DNAJC13: variants seen among roughly 807,000 people sequenced by gnomAD.
DNAJC13 encodes the protein DnaJ heat shock protein family (Hsp40) member C13, also known as dnaJ homolog subfamily C member 13.
In DNAJC13, 75 loss-of-function variants were observed where a neutral mutation model predicts 290.5. The observed-to-expected ratio is 0.26, with a 90% CI of 0.21 to 0.31. DNAJC13 has a LOEUF of 0.31. Ranked by LOEUF, DNAJC13 falls within the 10% of genes least tolerant of loss-of-function variation. The probability of loss-of-function intolerance (pLI) is 1.00; values close to 1 mark genes in which losing one functional copy is unlikely to be tolerated. For missense variants in DNAJC13, 2,260 were observed against 2,674.5 expected (o/e 0.85, Z 3.42); for synonymous variants, 862 against 892.0 (o/e 0.97, Z 0.60).
rs768805416 is a variant in DNAJC13 at position 132,538,430 on chromosome 3, A to C, written c.*148A>C. 1.2e-4 allele frequency: 75 copies of C among 612,182 alleles called. No homozygotes were observed. The highest frequency in any genetic ancestry group is 1.8e-4 in the Non-Finnish European group (66 of 365,164). 37.9% of individuals were successfully genotyped at this position (612,182 alleles called of 1,614,324 possible). A position where few individuals can be genotyped will look rare whatever the true frequency, so the allele number is the denominator to read the frequency against. Reference sequence around the variant, plus strand: ...CTATAAATATATTTTTAGGAAAAAAAGTCAGTGATCCTAATTGTATCACAT... The same window carrying C: ...CTATAAATATATTTTTAGGAAAAAACGTCAGTGATCCTAATTGTATCACAT... On this transcript the variant is annotated 3_prime_UTR_variant, in exon 56 of 56. Transcript: ENST00000260818.
intron 22 of DNAJC13, among the ~76,000 whole-genome samples, chr3:132,476,146 C>G (rs894152665): frequency 6.6e-6 from 1 of 152,094 alleles, no homozygotes; most frequent in Non-Finnish European, 1.5e-5. Flanking sequence ...GTTGCCCAGT[C>G]TGGCTTTTTA....
intron 14 of DNAJC13, 52 bp from the exon 15 acceptor site, chr3:132,460,998 C>T: frequency 6.5e-7 from 1 of 1,531,756 alleles, no homozygotes; most frequent in Admixed American, 1.9e-5. Context: ...TAAAATTTAA[C>T]TGAAGGTCCC....
chr3:132,456,466 G>A (rs751241538), intron 10 of DNAJC13, 35 bp from the exon 11 acceptor site: 32 of 1,608,618 alleles, frequency 2.0e-5, no homozygotes, highest in Non-Finnish European at 2.4e-5. Context: ...TTAGGAATTC[G>A]TATCTTCTTT....
intron 54 of DNAJC13, 42 bp downstream of exon 54, chr3:132,528,374 G>A (rs1210798780): frequency 1.2e-6 from 2 of 1,610,362 alleles, no homozygotes; most frequent in South Asian, 1.1e-5. Flanking sequence ...CTAAAAGCCA[G>A]GGTCTTGGCC....
chr3:132,534,179 G>A (rs1248810003), intron 55 of DNAJC13, among the ~76,000 whole-genome samples: 1 of 152,162 alleles, frequency 6.6e-6, no homozygotes, highest in African/African-American at 2.4e-5. Flanking sequence ...TGGAGATAAT[G>A]AGTCTTCCAG....
chr3:132,484,255 G>T (rs1465810450), intron 28 of DNAJC13: 1 of 346,828 alleles, frequency 2.9e-6, no homozygotes, highest in Non-Finnish European at 5.5e-6. Flanking sequence ...TTAAATTTAT[G>T]TAACAAAGTT....
At position 132,454,925 on chromosome 3, in the gene DNAJC13, C is replaced by T. The variant is rs1933545744; in HGVS notation, c.932+768C>T. Among the ~76,000 whole-genome samples the T allele has an allele frequency of 2.0e-5, 3 of 152,120 alleles. No homozygotes were observed. The South Asian group carries it at 6.2e-4, about 31-fold the overall frequency. On this transcript the variant is annotated intron_variant, in intron 9 of 55. Coordinates refer to ENST00000260818, the MANE Select transcript of DNAJC13 (RefSeq NM_015268.4). ...AAGAAGGTCCTCTTATTCCCAATAA[C>T]ACTTACATGCAGAAAGTAAAGCAAC...
At chr3:132,526,840 T>C (rs1337820021) in intron 53 of DNAJC13, among the ~76,000 whole-genome samples, 1 of 152,158 alleles carries the variant, frequency 6.6e-6, no homozygotes, top group African/African-American at 2.4e-5. Flanking sequence ...ACAAAAGCGA[T>C]CTTTCTAAAA....
intron 14 of DNAJC13, 95 bp from the exon 15 acceptor site, chr3:132,460,955 C>T: frequency 8.5e-7 from 1 of 1,176,042 alleles, no homozygotes; most frequent in Non-Finnish European, 1.2e-6. Context: ...TGATGTCTGA[C>T]ATATAGAATA....
rs1322081787 is a variant in DNAJC13, at chr3:132,462,378, A to G, written c.1714-89A>G. ...TTTTGTGGCTTATACCTTGTGTAAAAATGTATACCCTTCTTAAGAGTAACA... is the reference window on the plus strand; with the variant it reads ...TTTTGTGGCTTATACCTTGTGTAAAGATGTATACCCTTCTTAAGAGTAACA... On this transcript the variant is annotated intron_variant, in intron 15 of 55. Coordinates refer to ENST00000260818, the MANE Select transcript of DNAJC13 (RefSeq NM_015268.4). The G allele has an allele frequency of 2.3e-6, 3 of 1,285,146 alleles. No individual in the cohort carries two copies. In the African/African-American group the frequency reaches 4.5e-5, roughly 19 times the overall value. The allele number at this position is 1,285,146 out of a possible 1,614,324, so 79.6% of individuals were successfully genotyped here.
At chr3:132,456,945 G>A (rs1279102990) in intron 12 of DNAJC13, 113 bp downstream of exon 12, 12 of 1,175,098 alleles carry the variant, frequency 1.0e-5, no homozygotes, top group Non-Finnish European at 1.4e-5. Context: ...CTTTTATAGG[G>A]TGATATGGTA....
At chr3:132,529,013 G>C (rs1386055466) in intron 54 of DNAJC13, among the ~76,000 whole-genome samples, 1 of 151,940 alleles carries the variant, frequency 6.6e-6, no homozygotes, top group Non-Finnish European at 1.5e-5. Flanking sequence ...GAATAGTTAA[G>C]TGGCATTTAG....
chr3:132,535,956 G>C (rs1936577833), intron 55 of DNAJC13, among the ~76,000 whole-genome samples: 1 of 152,096 alleles, frequency 6.6e-6, no homozygotes, highest in Non-Finnish European at 1.5e-5. Flanking sequence ...ATTTTGATTT[G>C]CCTTTCCTAA....
chr3:132,538,173 C>G lies in DNAJC13; in HGVS notation c.6626-3C>G, dbSNP rs978266789. 1 of 1,613,046 alleles carries G rather than the reference C, an allele frequency of 6.2e-7. No homozygotes were observed. The highest frequency in any genetic ancestry group is 8.5e-7 in the Non-Finnish European group (1 of 1,179,306). On this transcript the variant is annotated splice_polypyrimidine_tract_variant and splice_region_variant and intron_variant, in intron 55 of 55. Transcript: ENST00000260818. ...GGTGTGTGTTTACCTTTCTCTCTTG[C>G]AGGACCTGGAGTTGCTGGCTACCTT...
In DNAJC13 at chr3:132,467,197, C is replaced by G; in HGVS notation, c.2092C>G (p.Pro698Ala). 1 of 1,613,016 alleles carries G rather than the reference C, an allele frequency of 6.2e-7. No homozygotes were observed. The change falls in exon 20 of 56, where the codon CCA (proline) becomes GCA (alanine). Residue 698 changes from proline (P) to alanine (A), a missense_variant. Transcript: ENST00000260818. ...TCAGTATGGAAAATTTAATAAAGTT[C>G]CAGAGTGGCAAAGACTAGCTGGAAA... ...MDQYGKFNKV[P>A]EWQRLAGKAA...
At chr3:132,519,902 G>A (rs1936033951) in intron 48 of DNAJC13, among the ~76,000 whole-genome samples, 1 of 152,136 alleles carries the variant, frequency 6.6e-6, no homozygotes, top group Non-Finnish European at 1.5e-5. Context: ...TGGCTGGGGA[G>A]GCCTCACAAT....
rs1304588773 is a variant in DNAJC13 at position 132,427,121 on chromosome 3, A to G, written c.-13-7417A>G. Among the ~76,000 whole-genome samples, 239 of 134,680 alleles carry G rather than the reference A, an allele frequency of 1.8e-3. 1 individual carries two copies. Among genetic ancestry groups the G allele is most frequent in the African/African-American group, 5.7e-3 (189 of 33,208 alleles). The allele number at this position is 134,680 out of a possible 152,430, so 88.4% of individuals were successfully genotyped here. On this transcript the variant is annotated intron_variant, in intron 1 of 55. Transcript: ENST00000260818. The stretch of plus-strand genomic sequence containing the variant: ...TGTGTGTGCACGTGTGTGTGTGTGT[A>G]TATATATATATATTTTTTTTTTTTT...
At chr3:132,471,570 G>T (rs1934260304) in intron 20 of DNAJC13, among the ~76,000 whole-genome samples, 1 of 140,058 alleles carries the variant, frequency 7.1e-6, no homozygotes, top group Non-Finnish European at 1.6e-5. Flanking sequence ...CCCAGATGGG[G>T]TCTCGGCCGG....
chr3:132,533,327 C>G (rs1248092978), intron 55 of DNAJC13, among the ~76,000 whole-genome samples: 1 of 140,528 alleles, frequency 7.1e-6, no homozygotes. Flanking sequence ...CCAGCATGCC[C>G]GCCCTCTTTT....
Sources: allele counts gnomAD v4.1 joint callset (sites outside exome capture counted in the v4.1 genomes callset), GRCh38; gene constraint gnomAD v4.1.1; transcripts MANE v1.5; gene names NCBI Gene and HGNC (gene_info 2026-07-23, HGNC 2026-07-21).